DCDC1: variants seen among roughly 807,000 people sequenced by gnomAD.
The protein encoded by DCDC1 is doublecortin domain containing 1.
Under a neutral mutation model 178.3 loss-of-function variants are expected in DCDC1, and 200 were observed. That is an observed-to-expected ratio of 1.12 (90% confidence interval 1.00 to 1.26). The LOEUF (loss-of-function observed/expected upper bound fraction) is 1.26, where lower values mean the gene tolerates loss of function less well. Among genes scored for constraint, DCDC1 ranks in the 50% most tolerant of loss-of-function variants. DCDC1 has a pLI of 0.00. For synonymous variants in DCDC1, 690 were observed against 604.8 expected (o/e 1.14, Z -2.07); for missense variants, 1,983 against 1,749.2 (o/e 1.13, Z -2.38).
intron 9 of DCDC1, among the ~76,000 whole-genome samples, chr11:31,206,722 A>G (rs937024253): frequency 1.3e-5 from 2 of 152,104 alleles, no homozygotes; most frequent in African/African-American, 4.8e-5. Context: ...GCCCAGGTCC[A>G]TGGATTTCTA....
chr11:30,915,846 T>A, intron 26 of DCDC1, 135 bp from the exon 27 acceptor site: 1 of 810,104 alleles, frequency 1.2e-6, no homozygotes, highest in Non-Finnish European at 2.0e-6. Flanking sequence ...TGATAGACCA[T>A]ATCATTAGAA....
intron 20 of DCDC1, among the ~76,000 whole-genome samples, chr11:31,007,377 C>G (rs1245835936): frequency 6.6e-6 from 1 of 152,104 alleles, no homozygotes; most frequent in Non-Finnish European, 1.5e-5. Context: ...GAAATGAGAC[C>G]ATTGAAGCAT....
At chr11:31,318,869 G>C (rs1226199114) in intron 3 of DCDC1, among the ~76,000 whole-genome samples, 1 of 62,548 alleles carries the variant, frequency 1.6e-5, no homozygotes, top group Admixed American at 1.7e-4. Flanking sequence ...CTTTGTTCTC[G>C]TTGGTTTCAA....
intron 4 of DCDC1, chr11:31,307,397 G>A (rs2137607204): frequency 4.0e-6 from 2 of 500,868 alleles, no homozygotes; most frequent in Admixed American, 3.6e-5. Context: ...GCCTGATTCT[G>A]CTTCAAATAT....
chr11:30,936,751 T>TGCAG (rs1226292878), intron 21 of DCDC1, among the ~76,000 whole-genome samples: 2 of 152,160 alleles, frequency 1.3e-5, no homozygotes, highest in African/African-American at 4.8e-5. Flanking sequence ...GGAAGATGCC[T>TGCAG]GCAGCTGGAA....
chr11:30,906,715 T>A lies in DCDC1; in HGVS notation c.3929A>T (p.Tyr1310Phe), dbSNP rs540177339. 8.1e-6 allele frequency: 13 copies of A among 1,612,708 alleles called. No homozygotes were observed. Among genetic ancestry groups the A allele is most frequent in the Non-Finnish European group, 1.1e-5 (13 of 1,179,242 alleles). Reference sequence around the variant, plus strand: ...TTTTCTCTTTCCATCAGGTGAGAGATAACAGTATCCCTAAAATGGGAGACA... The same window carrying A: ...TTTTCTCTTTCCATCAGGTGAGAGAAAACAGTATCCCTAAAATGGGAGACA... ...EENIDQPGYC[Y>F]LSPDGKRKTM... Residue 1310 changes from tyrosine (Y) to phenylalanine (F), a missense_variant, in exon 30 of 39, where the codon TAT becomes TTT. Transcript: ENST00000684477.
Position 31,119,164 on chromosome 11 carries a change from T to C in DCDC1, c.1485+8305A>G, listed in dbSNP as rs75649870. Among the ~76,000 whole-genome samples, 425 of 152,298 alleles carry C rather than the reference T, an allele frequency of 2.8e-3. 16 individuals are homozygous for C. In the East Asian group the frequency reaches 0.067, roughly 24 times the overall value. Reference sequence around the variant, plus strand: ...TCACATGAGATGTGTAAAGGCTTCGTAGGATCTGTTTCTTTACCTTTAAAA... The same window carrying C: ...TCACATGAGATGTGTAAAGGCTTCGCAGGATCTGTTTCTTTACCTTTAAAA... On this transcript the variant is annotated intron_variant, in intron 11 of 38. Transcript: ENST00000684477.
chr11:30,884,245 G>A (rs1207877981), intron 36 of DCDC1, among the ~76,000 whole-genome samples: 1 of 151,906 alleles, frequency 6.6e-6, no homozygotes, highest in Non-Finnish European at 1.5e-5. Flanking sequence ...TGCCCAGGCT[G>A]GTCTCAAACT....
rs183085261 is a variant in DCDC1, at chr11:30,876,141, G to A, written c.*40+2403C>T. On this transcript the variant is annotated intron_variant, in intron 38 of 38. Coordinates refer to ENST00000684477, the MANE Select transcript of DCDC1 (RefSeq NM_001387274.1). The stretch of plus-strand genomic sequence containing the variant: ...TATCAGGAAATAAATTTTTGGAGTA[G>A]GCCATGGACTTAGGGATGGTTGCTT... Among the ~76,000 whole-genome samples, 311 of 152,248 alleles carry A rather than the reference G, an allele frequency of 2.0e-3. 1 individual carries two copies. The highest frequency in any genetic ancestry group is 3.1e-3 in the Non-Finnish European group (209 of 67,998).
At chr11:30,985,723 C>T (rs1478572163) in intron 20 of DCDC1, among the ~76,000 whole-genome samples, 2 of 152,114 alleles carry the variant, frequency 1.3e-5, no homozygotes, top group African/African-American at 4.8e-5. Flanking sequence ...GGTGAAGAGG[C>T]TTAGTTTCAA....
chr11:30,878,518 A>T, intron 38 of DCDC1, 26 bp downstream of exon 38: 5 of 1,463,788 alleles, frequency 3.4e-6, no homozygotes, highest in Non-Finnish European at 4.6e-6. Context: ...GTCATAACAA[A>T]CATGAGTATG....
intron 10 of DCDC1, among the ~76,000 whole-genome samples, chr11:31,136,191 C>A (rs922481448): frequency 1.3e-5 from 2 of 151,986 alleles, no homozygotes; most frequent in African/African-American, 2.4e-5. Context: ...TAATTAAATT[C>A]TCCAATTCTG....
chr11:31,050,042 C>T (rs931762956), intron 20 of DCDC1, among the ~76,000 whole-genome samples: 7 of 152,194 alleles, frequency 4.6e-5, no homozygotes, highest in Admixed American at 1.3e-4. Context: ...GGCTTGCAGA[C>T]TTCACAGGTA....
At chr11:30,890,578 T>C (rs965207740) in intron 36 of DCDC1, among the ~76,000 whole-genome samples, 1 of 152,204 alleles carries the variant, frequency 6.6e-6, no homozygotes, top group Non-Finnish European at 1.5e-5. Context: ...CTCAGAGGAA[T>C]ATCAGCTTCC....
chr11:31,009,438 T>TTGTGTGTGTGTGTGTGTG (rs139389381), intron 20 of DCDC1, among the ~76,000 whole-genome samples: 1 of 144,424 alleles, frequency 6.9e-6, no homozygotes, highest in African/African-American at 2.6e-5. Context: ...CACAGTTTCT[T>TTGTGTGTGTGTGTGTGTG]TGTGTGTGTG....
At chr11:31,327,742 T>G (rs1277093418) in intron 3 of DCDC1, among the ~76,000 whole-genome samples, 2 of 152,126 alleles carry the variant, frequency 1.3e-5, no homozygotes, top group African/African-American at 4.8e-5. Flanking sequence ...CAAACATTTT[T>G]TTTTAGACAG....
chr11:31,026,761 C>T (rs1052622574), intron 20 of DCDC1, among the ~76,000 whole-genome samples: 6 of 151,758 alleles, frequency 4.0e-5, no homozygotes, highest in Admixed American at 3.3e-4. Context: ...AGACTATCTT[C>T]ATATATAAAT....
At chr11:30,999,325 T>G (rs949191599) in intron 20 of DCDC1, among the ~76,000 whole-genome samples, 1 of 152,184 alleles carries the variant, frequency 6.6e-6, no homozygotes, top group African/African-American at 2.4e-5. Flanking sequence ...AAGATGTTGG[T>G]TATGTAAGAT....
chr11:31,328,317 T>A, intron 2 of DCDC1, 31 bp from the exon 3 acceptor site: 1 of 1,526,760 alleles, frequency 6.5e-7, no homozygotes, highest in Non-Finnish European at 8.8e-7. Flanking sequence ...TATTTAATTT[T>A]AAATGTAAAA....
Sources: gnomAD v4.1 joint callset for allele counts (sites outside exome capture counted in the v4.1 genomes callset) on GRCh38, gnomAD v4.1.1 for gene constraint, MANE v1.5 for transcripts, NCBI Gene and HGNC (gene_info 2026-07-23, HGNC 2026-07-21) for gene names.